The following EAF2 variants were observed in gnomAD, a reference collection of about 807,000 sequenced individuals.
EAF2 encodes the protein ELL-associated factor 2.
EAF2 carries 29 observed loss-of-function variants against 29.4 expected under a neutral mutation model. The ratio of observed to expected loss-of-function variants is 0.99; its 90% CI spans 0.73 to 1.35. EAF2 has a LOEUF of 1.35. Among genes scored for constraint, EAF2 ranks in the 40% most tolerant of loss-of-function variants. The pLI is 0.00. For synonymous variants in EAF2, 103 were observed against 102.5 expected, an observed-to-expected ratio of 1.00 and a Z score of -0.03; for missense variants, 292 against 312.0, an observed-to-expected ratio of 0.94 and a Z score of 0.48.
chr3:121,843,618 T>C (rs1283306294), intron 1 of EAF2, among the ~76,000 whole-genome samples: 3 of 152,176 alleles, frequency 2.0e-5, no homozygotes, highest in African/African-American at 7.2e-5. Flanking sequence ...AATTATTAGC[T>C]GTTGATGTAT....
intron 4 of EAF2, among the ~76,000 whole-genome samples, chr3:121,867,401 A>G (rs565499617): frequency 6.6e-6 from 1 of 152,342 alleles, no homozygotes; most frequent in South Asian, 2.1e-4. Flanking sequence ...AAAGCAAGAA[A>G]GAAATGACAT....
chr3:121,837,455 AG>A (rs1318123687), intron 1 of EAF2: 2 of 152,208 alleles, frequency 1.3e-5, no homozygotes, highest in African/African-American at 2.4e-5. Context: ...ATAAGACTTC[AG>A]GCAAACCCGG....
intron 2 of EAF2, among the ~76,000 whole-genome samples, chr3:121,853,120 T>G (rs1390272738): frequency 6.6e-6 from 1 of 152,210 alleles, no homozygotes; most frequent in Non-Finnish European, 1.5e-5. Flanking sequence ...TTTTTTTCCT[T>G]GGCATATTTT....
At chr3:121,872,112 T>C (rs570234211) in intron 4 of EAF2, among the ~76,000 whole-genome samples, 1 of 152,044 alleles carries the variant, frequency 6.6e-6, no homozygotes, top group East Asian at 1.9e-4. Flanking sequence ...TTCATCAAAA[T>C]GTTCTCTAGG....
At chr3:121,846,964 T>C (rs890860533) in intron 2 of EAF2, among the ~76,000 whole-genome samples, 4 of 152,190 alleles carry the variant, frequency 2.6e-5, no homozygotes, top group African/African-American at 9.7e-5. Context: ...AGCCTGTGAA[T>C]TGTAAATTTC....
chr3:121,874,239 T>TA (rs780218941), intron 5 of EAF2, among the ~76,000 whole-genome samples: 23 of 151,734 alleles, frequency 1.5e-4, no homozygotes, highest in Non-Finnish European at 7.4e-5. Context: ...AGCCTAATAA[T>TA]AGAACTAAAG....
At chr3:121,871,929 A>AT (rs966784758) in intron 4 of EAF2, among the ~76,000 whole-genome samples, 1 of 151,844 alleles carries the variant, frequency 6.6e-6, no homozygotes, top group Non-Finnish European at 1.5e-5. Flanking sequence ...CCCAACTATA[A>AT]TTTTTTTGTG....
intron 5 of EAF2, among the ~76,000 whole-genome samples, chr3:121,879,375 A>C (rs1709154129): frequency 6.6e-6 from 1 of 152,020 alleles, no homozygotes; most frequent in Non-Finnish European, 1.5e-5. Flanking sequence ...GTTGTGCAGA[A>C]GCTTTTTAGT....
At chr3:121,879,798 A>G (rs566132159) in intron 5 of EAF2, among the ~76,000 whole-genome samples, 3 of 151,808 alleles carry the variant, frequency 2.0e-5, no homozygotes, top group African/African-American at 7.2e-5. Context: ...TGCCAATACC[A>G]TGCTGTTTTC....
At chr3:121,862,685 A>C (rs1708854564) in intron 4 of EAF2, among the ~76,000 whole-genome samples, 1 of 152,186 alleles carries the variant, frequency 6.6e-6, no homozygotes, top group Non-Finnish European at 1.5e-5. Flanking sequence ...TATTCGTCAA[A>C]GTCGTTCTCT....
rs1709285952 is a variant in EAF2 at position 121,886,420 on chromosome 3, C to T, written c.*32C>T. 7 of 1,284,552 alleles carry T rather than the reference C, an allele frequency of 5.4e-6. No homozygotes were observed. The highest frequency in any genetic ancestry group is 7.3e-6 in the Non-Finnish European group (7 of 957,594). 79.6% of individuals were successfully genotyped at this position (1,284,552 alleles called of 1,614,324 possible). ...ATTTAGCTATAAATAAAAATTTATACAGCATGTATAATTTATTTTGTATTA... is the reference window on the plus strand; with the variant it reads ...ATTTAGCTATAAATAAAAATTTATATAGCATGTATAATTTATTTTGTATTA... On this transcript the variant is annotated 3_prime_UTR_variant, in exon 6 of 6. Transcript: ENST00000273668.
intron 4 of EAF2, among the ~76,000 whole-genome samples, chr3:121,861,535 C>T (rs1017815696): frequency 1.3e-5 from 2 of 152,074 alleles, no homozygotes; most frequent in African/African-American, 4.8e-5. Flanking sequence ...AGATCTTCCT[C>T]CATCCCTTTA....
chr3:121,862,952 G>A (rs1294001976), intron 4 of EAF2, among the ~76,000 whole-genome samples: 3 of 152,196 alleles, frequency 2.0e-5, no homozygotes, highest in African/African-American at 7.2e-5. Flanking sequence ...GGAGTTTGCT[G>A]GAGGTGCACT....
intron 1 of EAF2, among the ~76,000 whole-genome samples, chr3:121,843,582 A>C (rs373735760): frequency 6.6e-6 from 1 of 152,138 alleles, no homozygotes; most frequent in Non-Finnish European, 1.5e-5. Context: ...GCTAATGTAT[A>C]TATAACACAG....
At position 121,872,524 on chromosome 3, in the gene EAF2, G is replaced by C. The variant is rs757400132; in HGVS notation, c.485-13G>C. 1.3e-6 allele frequency: 2 copies of C among 1,569,706 alleles called. No homozygotes were observed. The highest frequency in any genetic ancestry group is 1.7e-6 in the Non-Finnish European group (2 of 1,153,408). On this transcript the variant is annotated splice_polypyrimidine_tract_variant and intron_variant, in intron 4 of 5. Transcript: ENST00000273668. ...TTATTTAACCTATCTATTCATTTCTGTCTTATTTTCAGAACTGAAGGCAGA... is the reference window on the plus strand; with the variant it reads ...TTATTTAACCTATCTATTCATTTCTCTCTTATTTTCAGAACTGAAGGCAGA...
In EAF2 at chr3:121,852,714, A is replaced by G. The variant is rs201654372; in HGVS notation, c.202-1973A>G. Among the ~76,000 whole-genome samples, 74 of 152,292 alleles carry G rather than the reference A, an allele frequency of 4.9e-4. No homozygotes were observed. In the East Asian group the frequency reaches 0.014, roughly 28 times the overall value. ...CTAATGATTAACTTTAATATGATAC[A>G]CCACTTAGCCTTTTTAGAGGTCATC... On this transcript the variant is annotated intron_variant, in intron 2 of 5. Transcript: ENST00000273668.
intron 2 of EAF2, among the ~76,000 whole-genome samples, chr3:121,853,984 G>T (rs1708675091): frequency 6.6e-6 from 1 of 152,042 alleles, no homozygotes; most frequent in Admixed American, 6.6e-5. Flanking sequence ...TTAAGAAAAT[G>T]CCAGATTTTA....
In EAF2 at chr3:121,886,399, A is replaced by C; in HGVS notation, c.*11A>C. ...GACAGTGATGACTGAAGAAATATTT[A>C]GCTATAAATAAAAATTTATACAGCA... is the stretch of plus-strand genomic sequence containing the variant. On this transcript the variant is annotated 3_prime_UTR_variant, in exon 6 of 6. Transcript: ENST00000273668. The C allele has an allele frequency of 7.0e-7, 1 of 1,426,698 alleles. No homozygotes were observed. Among genetic ancestry groups the C allele is most frequent in the African/African-American group, 1.5e-5 (1 of 68,818 alleles). The allele number at this position is 1,426,698 out of a possible 1,614,324, so 88.4% of individuals were successfully genotyped here. A position where few individuals can be genotyped will look rare whatever the true frequency, so the allele number is the denominator to read the frequency against.
At chr3:121,872,401 A>T in intron 4 of EAF2, 136 bp from the exon 5 acceptor site, 1 of 662,708 alleles carries the variant, frequency 1.5e-6, no homozygotes, top group East Asian at 3.0e-5. Flanking sequence ...GTTTTTTAAT[A>T]AAATGCTTCA....
Sources: gnomAD v4.1 joint callset for allele counts (sites outside exome capture counted in the v4.1 genomes callset) on GRCh38, gnomAD v4.1.1 for gene constraint, MANE v1.5 for transcripts, NCBI Gene and HGNC (gene_info 2026-07-23, HGNC 2026-07-21) for gene names.